The following CCDC192 variants were observed in gnomAD, a reference collection of about 807,000 sequenced individuals.
CCDC192 encodes the protein coiled-coil domain containing 192.
At chr5:127,770,839 T>C (rs775112011) in intron 3 of CCDC192, among the ~76,000 whole-genome samples, 2 of 152,182 alleles carry the variant, frequency 1.3e-5, no homozygotes, top group Non-Finnish European at 2.9e-5. Context: ...ATATTATGTA[T>C]AGGTATAAGG....
intron 6 of CCDC192, among the ~76,000 whole-genome samples, chr5:127,907,651 C>T (rs964801622): frequency 3.9e-5 from 6 of 152,082 alleles, no homozygotes; most frequent in African/African-American, 1.4e-4. Flanking sequence ...ATTTTTGCCT[C>T]GATTTTACTT....
chr5:127,749,395 T>G lies in CCDC192; in HGVS notation c.115-4873T>G, dbSNP rs377211889. ...TCATGTGGTTTTTGTCTTTGGCTCTTTTTATATGCTGGATTACATTTATTG... is the reference window on the plus strand; with the variant it reads ...TCATGTGGTTTTTGTCTTTGGCTCTGTTTATATGCTGGATTACATTTATTG... On this transcript the variant is annotated intron_variant, in intron 2 of 6. Transcript: ENST00000514853. 1.9e-3 allele frequency among the ~76,000 whole-genome samples: 296 copies of G among 151,930 alleles called. 7 individuals carry two copies. The East Asian group carries it at 0.044, about 23-fold the overall frequency.
intron 6 of CCDC192, among the ~76,000 whole-genome samples, chr5:127,916,303 A>G (rs1753519231): frequency 6.6e-6 from 1 of 152,148 alleles, no homozygotes; most frequent in Non-Finnish European, 1.5e-5. Context: ...TATTTTCTCC[A>G]CTGAAGTCTT....
chr5:127,860,913 C>T (rs1010554670), intron 5 of CCDC192, among the ~76,000 whole-genome samples: 6 of 152,118 alleles, frequency 3.9e-5, no homozygotes, highest in African/African-American at 1.2e-4. Context: ...ACAAAAATGA[C>T]CAGTTTTCGC....
chr5:127,710,947 C>G (rs1481357661), intron 2 of CCDC192, among the ~76,000 whole-genome samples: 1 of 152,140 alleles, frequency 6.6e-6, no homozygotes, highest in East Asian at 1.9e-4. Flanking sequence ...TTTGGGCCTG[C>G]TGGAGAATTA....
chr5:127,799,203 A>G (rs764851857), intron 5 of CCDC192, among the ~76,000 whole-genome samples: 3 of 152,188 alleles, frequency 2.0e-5, no homozygotes, highest in Non-Finnish European at 4.4e-5. Flanking sequence ...AAGATAATAC[A>G]TTCTGGTGAC....
intron 2 of CCDC192, among the ~76,000 whole-genome samples, chr5:127,721,026 G>C (rs1327539908): frequency 2.0e-5 from 3 of 152,136 alleles, no homozygotes; most frequent in Admixed American, 6.5e-5. Context: ...ATGTCTTCGA[G>C]GTCTTTCCCC....
chr5:127,729,152 C>T (rs182555288), intron 2 of CCDC192, among the ~76,000 whole-genome samples: 1 of 152,218 alleles, frequency 6.6e-6, no homozygotes, highest in Non-Finnish European at 1.5e-5. Flanking sequence ...GATGATCAGC[C>T]CACCTCAGCC....
At chr5:127,861,281 T>C (rs1337427556) in intron 5 of CCDC192, among the ~76,000 whole-genome samples, 3 of 151,504 alleles carry the variant, frequency 2.0e-5, no homozygotes, top group Admixed American at 2.0e-4. Context: ...GTGCTGGGAT[T>C]ATAGGCATGA....
chr5:127,836,343 T>C (rs1750034867), intron 5 of CCDC192, among the ~76,000 whole-genome samples: 1 of 152,200 alleles, frequency 6.6e-6, no homozygotes, highest in African/African-American at 2.4e-5. Context: ...GCTGCTTTCA[T>C]AGGCTGGCCT....
At chr5:127,907,921 G>A (rs2127173527) in intron 6 of CCDC192, among the ~76,000 whole-genome samples, 1 of 152,308 alleles carries the variant, frequency 6.6e-6, no homozygotes, top group South Asian at 2.1e-4. Flanking sequence ...AGACCAAATA[G>A]AAATGGTGCA....
chr5:127,733,994 T>C (rs1361496846), intron 2 of CCDC192, among the ~76,000 whole-genome samples: 1 of 151,282 alleles, frequency 6.6e-6, no homozygotes, highest in African/African-American at 2.4e-5. Context: ...GTTACATATG[T>C]ATACATGTGC....
At chr5:127,919,071 ATATGTGTG>A (rs1561551729) in intron 6 of CCDC192, among the ~76,000 whole-genome samples, 25 of 132,366 alleles carry the variant, frequency 1.9e-4, no homozygotes, top group East Asian at 1.6e-3. Context: ...GTGTGTGTAT[ATATGTGTG>A]TGTGTGTGTG....
At chr5:127,854,877 A>G (rs1238426878) in intron 5 of CCDC192, among the ~76,000 whole-genome samples, 1 of 152,262 alleles carries the variant, frequency 6.6e-6, no homozygotes, top group Non-Finnish European at 1.5e-5. Context: ...TTAATAAACT[A>G]TAGAATAGTG....
chr5:127,706,484 A>G (rs922859784), intron 1 of CCDC192, among the ~76,000 whole-genome samples: 7 of 145,872 alleles, frequency 4.8e-5, no homozygotes, highest in Non-Finnish European at 1.0e-4. Context: ...AGATTGTGCT[A>G]CTGCACTCCA....
rs1036982793 is a variant in CCDC192 at position 127,875,603 on chromosome 5, A to C, written c.477A>C (p.Thr159=). 8 of 398,480 alleles carry C rather than the reference A, an allele frequency of 2.0e-5. No homozygotes were observed. The highest frequency in any genetic ancestry group is 3.5e-5 in the Non-Finnish European group (8 of 225,998). The allele number at this position is 398,480 out of a possible 1,614,324, so 24.7% of individuals were successfully genotyped here. The change falls in exon 6 of 7, where the codon ACA becomes ACC. Residue 159 remains threonine (T), a synonymous_variant. Transcript: ENST00000514853. ...QTDLATANAI[T]VLELNEKIKT... ...ATTTGGCAACAGCTAATGCCATCACAGTTCTGGAACTCAATGAGAAGATAA... is the reference window on the plus strand; with the variant it reads ...ATTTGGCAACAGCTAATGCCATCACCGTTCTGGAACTCAATGAGAAGATAA...
intron 1 of CCDC192, 87 bp downstream of exon 1, chr5:127,703,594 T>C (rs1217345486): frequency 1.0e-5 from 4 of 393,546 alleles, no homozygotes; most frequent in Non-Finnish European, 1.8e-5. Flanking sequence ...AAAAAAATCT[T>C]TCTTTAAAGT....
intron 5 of CCDC192, among the ~76,000 whole-genome samples, chr5:127,843,221 G>T (rs1004930815): frequency 1.2e-4 from 18 of 150,250 alleles, no homozygotes; most frequent in Non-Finnish European, 2.5e-4. Context: ...TGTATTTTTA[G>T]TAGAGACGAG....
intron 3 of CCDC192, among the ~76,000 whole-genome samples, chr5:127,756,329 T>C (rs1192973905): frequency 6.6e-6 from 1 of 152,190 alleles, no homozygotes; most frequent in Non-Finnish European, 1.5e-5. Flanking sequence ...ACCGGGATTT[T>C]ATTATTACTC....
Sources: allele counts gnomAD v4.1 joint callset (sites outside exome capture counted in the v4.1 genomes callset), GRCh38; gene constraint gnomAD v4.1.1; transcripts MANE v1.5; gene names NCBI Gene and HGNC (gene_info 2026-07-23, HGNC 2026-07-21).